Variants in PCDHGB2 observed in about 807,000 individuals in gnomAD.
The protein encoded by PCDHGB2 is protocadherin gamma-B2.
PCDHGB2 carries 55 observed loss-of-function variants against 59.3 expected under a neutral mutation model. The ratio of observed to expected loss-of-function variants is 0.93; its 90% CI spans 0.75 to 1.16. PCDHGB2 has a LOEUF of 1.16. Among genes scored for constraint, PCDHGB2 ranks in the 50% most tolerant of loss-of-function variants. The pLI is 0.00. For missense variants in PCDHGB2, 1,228 were observed against 1,198.5 expected, an observed-to-expected ratio of 1.02 and a Z score of -0.36; for synonymous variants, 516 against 512.0, an observed-to-expected ratio of 1.01 and a Z score of -0.11.
chr5:141,375,335 T>C, intron 1 of PCDHGB2: 2 of 1,613,812 alleles, frequency 1.2e-6, no homozygotes, highest in Non-Finnish European at 1.7e-6. Flanking sequence ...GGTATTCTTG[T>C]ACAACATCAC....
At chr5:141,415,650 A>G in intron 1 of PCDHGB2, 1 of 1,597,054 alleles carries the variant, frequency 6.3e-7, no homozygotes, top group Non-Finnish European at 8.5e-7. Context: ...TTAAAAAAAA[A>G]AAGATTGGTT....
At chr5:141,496,617 A>G (rs2099769939) in intron 2 of PCDHGB2, among the ~76,000 whole-genome samples, 2 of 152,236 alleles carry the variant, frequency 1.3e-5, no homozygotes, top group Admixed American at 1.3e-4. Flanking sequence ...AAAAAGCAGC[A>G]GATCAAAAGG....
chr5:141,478,271 A>G, intron 1 of PCDHGB2: 1 of 1,614,170 alleles, frequency 6.2e-7, no homozygotes, highest in Non-Finnish European at 8.5e-7. Flanking sequence ...CAAAGTTTAC[A>G]AGTGGAAGCA....
rs142329128 is a variant in PCDHGB2, at chr5:141,439,495, C to T, written c.2422-55312C>T. Among the ~76,000 whole-genome samples the T allele has an allele frequency of 9.7e-4, 147 of 152,324 alleles. 1 individual carries two copies. The highest frequency in any genetic ancestry group is 3.4e-3 in the African/African-American group (140 of 41,568). ...TCAGCTTGCAAATTCCAGTGAGAAACGTCTTTCTCTCTGCTCTCAACTAAC... is the reference window on the plus strand; with the variant it reads ...TCAGCTTGCAAATTCCAGTGAGAAATGTCTTTCTCTCTGCTCTCAACTAAC... On this transcript the variant is annotated intron_variant, in intron 1 of 3. Coordinates refer to ENST00000522605, the MANE Select transcript of PCDHGB2 (RefSeq NM_018923.3).
intron 1 of PCDHGB2, among the ~76,000 whole-genome samples, chr5:141,472,042 T>C (rs2099270232): frequency 2.0e-5 from 3 of 152,146 alleles, no homozygotes; most frequent in African/African-American, 7.2e-5. Context: ...TGTGAAAAGA[T>C]TTTAAAAATG....
At position 141,402,613 on chromosome 5, in the gene PCDHGB2, A is replaced by G. The variant is rs145557523; in HGVS notation, c.2421+40057A>G. Among the ~76,000 whole-genome samples the G allele has an allele frequency of 3.8e-3, 581 of 152,376 alleles. 6 individuals are homozygous for G. Among genetic ancestry groups the G allele is most frequent in the Admixed American group, 0.011 (170 of 15,298 alleles). The stretch of plus-strand genomic sequence containing the variant: ...AGATTGCTTTTGAAATACAAATGCA[A>G]GAAACAATTGGAGAAATCTAAAATC... On this transcript the variant is annotated intron_variant, in intron 1 of 3. Coordinates refer to ENST00000522605, the MANE Select transcript of PCDHGB2 (RefSeq NM_018923.3).
chr5:141,485,278 C>T lies in PCDHGB2; in HGVS notation c.2422-9529C>T. On this transcript the variant is annotated intron_variant, in intron 1 of 3. Transcript: ENST00000522605. The surrounding 1 kb of genome is among the most constrained non-coding windows in gnomAD (Gnocchi z 5.7). ...TTTGTGGGCAGATCCGCTACCCGGTCCCAGAGGAGTCACAGGAAGGGACTT... is the reference window on the plus strand; with the variant it reads ...TTTGTGGGCAGATCCGCTACCCGGTTCCAGAGGAGTCACAGGAAGGGACTT... 1 of 1,614,064 alleles carries T rather than the reference C, an allele frequency of 6.2e-7. No homozygotes were observed. The highest frequency in any genetic ancestry group is 1.1e-5 in the South Asian group (1 of 91,080).
chr5:141,371,971 G>C, intron 1 of PCDHGB2: 1 of 1,612,438 alleles, frequency 6.2e-7, no homozygotes, highest in Non-Finnish European at 8.5e-7. Flanking sequence ...GAGCAGCTGC[G>C]TGCCTTCGAG....
intron 1 of PCDHGB2, chr5:141,364,669 A>T (rs1763470346): frequency 1.9e-6 from 3 of 1,613,898 alleles, no homozygotes; most frequent in Non-Finnish European, 2.5e-6. Flanking sequence ...TTGAGAACAA[A>T]ATGAAAATTT....
At chr5:141,386,950 A>C (rs538175836) in intron 1 of PCDHGB2, among the ~76,000 whole-genome samples, 7 of 152,364 alleles carry the variant, frequency 4.6e-5, no homozygotes, top group Non-Finnish European at 8.8e-5. Context: ...GCAGTGCTTC[A>C]GTGCAGCAGA....
At chr5:141,424,776 A>C (rs1406581367) in intron 1 of PCDHGB2, 2 of 152,154 alleles carry the variant, frequency 1.3e-5, no homozygotes, top group African/African-American at 4.8e-5. Context: ...CAAATAGTAC[A>C]TTCAGTTCTT....
chr5:141,366,894 T>A, intron 1 of PCDHGB2: 1 of 1,215,552 alleles, frequency 8.2e-7, no homozygotes, highest in Non-Finnish European at 1.1e-6. Flanking sequence ...TTTATATAAT[T>A]CATGCTTTCT....
intron 1 of PCDHGB2, among the ~76,000 whole-genome samples, chr5:141,463,393 C>CA (rs955461719): frequency 5.7e-5 from 8 of 140,804 alleles, no homozygotes; most frequent in Non-Finnish European, 7.6e-5. Flanking sequence ...TGTCTCCAGG[C>CA]AAAAAAAATG....
At position 141,361,654 on chromosome 5, in the gene PCDHGB2, G is replaced by C. The variant is rs779307225; in HGVS notation, c.1519G>C (p.Val507Leu). ...KPREILSYVS[V>L]SAQSGVVFAQ... ...GCGGGAGATTTTATCCTACGTGTCC[G>C]TGAGCGCGCAGAGCGGGGTGGTGTT... The change falls in exon 1 of 4, where the codon GTG becomes CTG. Residue 507 changes from valine to leucine, a missense_variant. Transcript: ENST00000522605. 6.2e-7 allele frequency: 1 copy of C among 1,613,782 alleles called. No individual in the cohort carries two copies. The highest frequency in any genetic ancestry group is 8.5e-7 in the Non-Finnish European group (1 of 1,179,912).
chr5:141,364,822 G>GA, intron 1 of PCDHGB2: 1 of 1,614,010 alleles, frequency 6.2e-7, no homozygotes, highest in Non-Finnish European at 8.5e-7. Flanking sequence ...ATGTGGGTGT[G>GA]AACTCTCTCC....
intron 1 of PCDHGB2, chr5:141,365,899 G>A (rs747004585): frequency 6.2e-7 from 1 of 1,614,198 alleles, no homozygotes; most frequent in Non-Finnish European, 8.5e-7. Context: ...TCGACTATGA[G>A]CAGTTGAGAG....
chr5:141,502,535 G>A (rs910160644), intron 2 of PCDHGB2, among the ~76,000 whole-genome samples: 14 of 152,172 alleles, frequency 9.2e-5, no homozygotes, highest in South Asian at 2.1e-4. Flanking sequence ...GAGTTTGTTC[G>A]TGTGGTAAAA....
chr5:141,506,666 C>A (rs894880559), intron 3 of PCDHGB2, among the ~76,000 whole-genome samples: 2 of 152,120 alleles, frequency 1.3e-5, no homozygotes, highest in South Asian at 4.1e-4. Context: ...AGAGTAAGGG[C>A]ACAATATATT....
intron 1 of PCDHGB2, chr5:141,422,754 C>T: frequency 1.2e-6 from 2 of 1,612,450 alleles, no homozygotes; most frequent in Non-Finnish European, 1.7e-6. Flanking sequence ...TCTCTATTAA[C>T]TCCAACACTG....
Sources: gnomAD v4.1 joint callset for allele counts (sites outside exome capture counted in the v4.1 genomes callset) on GRCh38, gnomAD v4.1.1 for gene constraint, Gnocchi (gnomAD v3.1) non-coding constraint, MANE v1.5 for transcripts, NCBI Gene and HGNC (gene_info 2026-07-23, HGNC 2026-07-21) for gene names.